The following BANP variants were observed in gnomAD, a reference collection of about 807,000 sequenced individuals.
BANP encodes the protein protein BANP.
A neutral mutation model predicts 68.1 loss-of-function variants in BANP; 11 were observed. The ratio of observed to expected loss-of-function variants is 0.16; its 90% CI spans 0.10 to 0.27. The LOEUF is 0.27. BANP is among the 10% of genes least tolerant of loss of function. BANP has a pLI of 1.00. For synonymous variants in BANP, 329 were observed against 303.2 expected (o/e 1.09, Z -0.88); for missense variants, 504 against 722.7 (o/e 0.70, Z 3.47).
intron 4 of BANP, among the ~76,000 whole-genome samples, chr16:87,996,391 G>A (rs1020555967): frequency 2.6e-5 from 4 of 152,142 alleles, no homozygotes; most frequent in African/African-American, 7.2e-5. Context: ...CTGAAGTGCC[G>A]GCTGGGCCCT....
Position 88,004,898 on chromosome 16 carries a change from G to A in BANP, c.479+487G>A, listed in dbSNP as rs760701796. Among the ~76,000 whole-genome samples the A allele has an allele frequency of 6.6e-6, 1 of 152,158 alleles. No homozygotes were observed. Among genetic ancestry groups the A allele is most frequent in the Non-Finnish European group, 1.5e-5 (1 of 68,018 alleles). ...GAGGTGGGAGTGGACAGAAGACACC[G>A]TCCCCGCTCTGTGTGAGGGGAAGGC... On this transcript the variant is annotated intron_variant, in intron 5 of 13. Coordinates refer to ENST00000682872, the MANE Select transcript of BANP (RefSeq NM_001386991.1). This position sits in a 1 kb window ranked among gnomAD's most constrained non-coding sequence, Gnocchi z 7.0.
Position 88,071,854 on chromosome 16 carries a change from A to C in BANP, c.1378-215A>C, listed in dbSNP as rs1206541014. On this transcript the variant is annotated intron_variant, in intron 12 of 13. Coordinates refer to ENST00000682872, the MANE Select transcript of BANP (RefSeq NM_001386991.1). This position sits in a 1 kb window ranked among gnomAD's most constrained non-coding sequence, Gnocchi z 6.5. ...GGGCGGAGTTGCAGATCCAGCAGAGACTCGATGGCACTCTCTCACTGGATC... is the reference window on the plus strand; with the variant it reads ...GGGCGGAGTTGCAGATCCAGCAGAGCCTCGATGGCACTCTCTCACTGGATC... 6 of 709,366 alleles carry C rather than the reference A, an allele frequency of 8.5e-6. No individual in the cohort carries two copies. Among genetic ancestry groups the C allele is most frequent in the African/African-American group, 3.6e-5 (2 of 56,158 alleles). The allele number at this position is 709,366 out of a possible 1,614,324, so 43.9% of individuals were successfully genotyped here.
chr16:87,994,571 T>C (rs889722293), intron 4 of BANP, among the ~76,000 whole-genome samples: 1 of 152,230 alleles, frequency 6.6e-6, no homozygotes, highest in Non-Finnish European at 1.5e-5. Flanking sequence ...CATTAGATAT[T>C]AGGAAGAACA....
intron 4 of BANP, among the ~76,000 whole-genome samples, chr16:87,988,250 A>G (rs1191655560): frequency 1.3e-5 from 2 of 152,122 alleles, no homozygotes; most frequent in South Asian, 2.1e-4. Context: ...AGGTGCTTCT[A>G]TGGATTATTT....
intron 7 of BANP, among the ~76,000 whole-genome samples, chr16:88,019,369 A>G (rs1171655482): frequency 6.6e-6 from 1 of 152,128 alleles, no homozygotes; most frequent in African/African-American, 2.4e-5. Flanking sequence ...AAAGTGAAGC[A>G]GCAGCAAACG....
At chr16:88,028,833 AT>A (rs886080386) in intron 8 of BANP, among the ~76,000 whole-genome samples, 1 of 152,218 alleles carries the variant, frequency 6.6e-6, no homozygotes, top group African/African-American at 2.4e-5. Flanking sequence ...GCATGATACC[AT>A]TTTTATTGCA....
At chr16:87,994,060 G>A (rs374107450) in intron 4 of BANP, among the ~76,000 whole-genome samples, 11 of 152,190 alleles carry the variant, frequency 7.2e-5, no homozygotes, top group Admixed American at 4.6e-4. Context: ...ACCAGGATGC[G>A]GTGTTTGGAG....
chr16:88,020,925 G>A (rs372235277), intron 7 of BANP, among the ~76,000 whole-genome samples: 17 of 152,334 alleles, frequency 1.1e-4, no homozygotes, highest in Admixed American at 4.6e-4. Context: ...AGTCCATGGC[G>A]GTGGGGTGGC....
At chr16:88,038,034 A>G in intron 11 of BANP, 23 bp downstream of exon 11, 1 of 1,609,530 alleles carries the variant, frequency 6.2e-7, no homozygotes, top group Non-Finnish European at 8.5e-7. Context: ...GTCCCCATGC[A>G]CATGCGGGCG....
rs927891628 is a variant in BANP, at chr16:88,036,129, G to A, written c.1272+735G>A. 1.3e-5 allele frequency among the ~76,000 whole-genome samples: 2 copies of A among 152,256 alleles called. No individual in the cohort carries two copies. Among genetic ancestry groups the A allele is most frequent in the East Asian group, 1.9e-4 (1 of 5,204 alleles). ...TGGGCTGTTTCCTGCAGCACAGGCA[G>A]CAGCAGGCACAGGGCACTAAGCAGC... On this transcript the variant is annotated intron_variant, in intron 10 of 13. Coordinates refer to ENST00000682872, the MANE Select transcript of BANP (RefSeq NM_001386991.1). The surrounding 1 kb of genome is among the most constrained non-coding windows in gnomAD (Gnocchi z 4.2).
In BANP at chr16:87,977,425, A is replaced by AAAC. The variant is rs1337784786; in HGVS notation, c.70+2242_70+2243insCAA. ...CAGAGCGAGACTCCGTCTCAAAAAAAAAAACAAAACCTACTGTGCACAGAG... is the reference window on the plus strand; with the variant it reads ...CAGAGCGAGACTCCGTCTCAAAAAAAAACAAAACAAAACCTACTGTGCACAGAG... On this transcript the variant is annotated intron_variant, in intron 2 of 13. Transcript: ENST00000682872. Among the ~76,000 whole-genome samples, 185 of 151,898 alleles carry AAAC rather than the reference A, an allele frequency of 1.2e-3. 1 individual carries two copies. The highest frequency in any genetic ancestry group is 4.0e-3 in the African/African-American group (164 of 41,486).
In BANP at chr16:88,057,528, A is replaced by G. The variant is rs1252992763; in HGVS notation, c.1312-7739A>G. Among the ~76,000 whole-genome samples the G allele has an allele frequency of 6.6e-6, 1 of 151,990 alleles. No individual in the cohort carries two copies. Among genetic ancestry groups the G allele is most frequent in the Non-Finnish European group, 1.5e-5 (1 of 67,980 alleles). ...AAACGAGGAGTGAAAAACACCCCTC[A>G]GGTCGCTTCATGCTGATTCTGTTTA... On this transcript the variant is annotated intron_variant, in intron 11 of 13. Coordinates refer to ENST00000682872, the MANE Select transcript of BANP (RefSeq NM_001386991.1). This position sits in a 1 kb window ranked among gnomAD's most constrained non-coding sequence, Gnocchi z 4.6.
At chr16:88,044,581 C>T (rs376432147) in intron 11 of BANP, among the ~76,000 whole-genome samples, 5 of 152,318 alleles carry the variant, frequency 3.3e-5, no homozygotes, top group African/African-American at 7.2e-5. Flanking sequence ...AATAGATGAT[C>T]GCTAATGTCT....
chr16:88,031,875 G>T (rs2078260800), intron 8 of BANP, among the ~76,000 whole-genome samples: 1 of 144,378 alleles, frequency 6.9e-6, no homozygotes, highest in African/African-American at 2.6e-5. Context: ...TGCCATCTCA[G>T]CTCACTGTAA....
At chr16:87,999,623 T>G (rs1392520777) in intron 4 of BANP, among the ~76,000 whole-genome samples, 5 of 54,142 alleles carry the variant, frequency 9.2e-5, no homozygotes, top group Admixed American at 1.7e-4. Flanking sequence ...TGCGCGGCTG[T>G]ACTTACCTGT....
At position 87,988,052 on chromosome 16, in the gene BANP, G is replaced by A. The variant is rs560698570; in HGVS notation, c.362+3793G>A. 1.6e-3 allele frequency among the ~76,000 whole-genome samples: 244 copies of A among 152,268 alleles called. 2 individuals carry two copies. The highest frequency in any genetic ancestry group is 5.7e-3 in the African/African-American group (235 of 41,536). ...AGTTGAAAGCTGTTGACAGAAAATT[G>A]TAGGGGAGAAATAACAGATAAGAAC... On this transcript the variant is annotated intron_variant, in intron 4 of 13. Transcript: ENST00000682872.
chr16:88,037,939 A>T lies in BANP; in HGVS notation c.1273-34A>T, dbSNP rs776643413. On this transcript the variant is annotated intron_variant, in intron 10 of 13. Transcript: ENST00000682872. ...TCTGAGGGTGTCTTGGTGTGTTTCT[A>T]CTCATGACCGTCTCCTCCTCTCGTT... 33 of 1,607,206 alleles carry T rather than the reference A, an allele frequency of 2.1e-5. No individual in the cohort carries two copies. In the East Asian group the frequency reaches 6.9e-4, roughly 34 times the overall value.
chr16:88,038,021 C>T lies in BANP; in HGVS notation c.1311+10C>T. ...GGGGCAGGACGGTCAGGTGAGTGTCCCAGTCCCCATGCACATGCGGGCGTT... is the reference window on the plus strand; with the variant it reads ...GGGGCAGGACGGTCAGGTGAGTGTCTCAGTCCCCATGCACATGCGGGCGTT... On this transcript the variant is annotated intron_variant, in intron 11 of 13. Transcript: ENST00000682872. 1.2e-6 allele frequency: 2 copies of T among 1,613,460 alleles called. No homozygotes were observed. Among genetic ancestry groups the T allele is most frequent in the Non-Finnish European group, 1.7e-6 (2 of 1,179,462 alleles).
At chr16:88,019,720 T>C (rs1598494774) in intron 7 of BANP, among the ~76,000 whole-genome samples, 1 of 143,688 alleles carries the variant, frequency 7.0e-6, no homozygotes, top group Admixed American at 7.0e-5. Flanking sequence ...GGGCGGGGCG[T>C]GCGGGATCTC....
Sources: gnomAD v4.1 joint callset for allele counts (sites outside exome capture counted in the v4.1 genomes callset) on GRCh38, gnomAD v4.1.1 for gene constraint, Gnocchi (gnomAD v3.1) non-coding constraint, MANE v1.5 for transcripts, NCBI Gene and HGNC (gene_info 2026-07-23, HGNC 2026-07-21) for gene names.